TTC1: variants seen among roughly 807,000 people sequenced by gnomAD.
TTC1 encodes the protein tetratricopeptide repeat domain 1, also known as tetratricopeptide repeat protein 1.
In TTC1, 31 loss-of-function variants were observed where a neutral mutation model predicts 37.6. The observed-to-expected ratio is 0.82, with a 90% CI of 0.62 to 1.11. The LOEUF (loss-of-function observed/expected upper bound fraction) is 1.11, where lower values mean the gene tolerates loss of function less well. Ranked by LOEUF, TTC1 falls within the 50% of genes most tolerant of loss-of-function variation. The pLI is 0.00. For synonymous variants in TTC1, 127 were observed against 122.4 expected (o/e 1.04, Z -0.25); for missense variants, 351 against 339.0 (o/e 1.04, Z -0.28).
intron 2 of TTC1, among the ~76,000 whole-genome samples, chr5:160,025,163 G>T (rs1241840409): frequency 6.6e-6 from 1 of 152,192 alleles, no homozygotes; most frequent in East Asian, 1.9e-4. Context: ...AAGTAGCTGG[G>T]ATTACAGGCG....
intron 2 of TTC1, among the ~76,000 whole-genome samples, chr5:160,016,108 T>A (rs893147841): frequency 6.6e-6 from 1 of 152,208 alleles, no homozygotes; most frequent in Non-Finnish European, 1.5e-5. Context: ...CCGGGTGCAG[T>A]GGCTCATGCC....
chr5:160,062,285 G>A (rs1211516117), intron 7 of TTC1, among the ~76,000 whole-genome samples: 1 of 152,202 alleles, frequency 6.6e-6, no homozygotes, highest in African/African-American at 2.4e-5. Context: ...TTCTGCACTA[G>A]AGGGAAACCT....
chr5:160,056,947 A>G (rs1336694050), intron 7 of TTC1, among the ~76,000 whole-genome samples: 1 of 152,144 alleles, frequency 6.6e-6, no homozygotes, highest in African/African-American at 2.4e-5. Flanking sequence ...AAAGCTGCTG[A>G]AGCCATACAT....
Position 160,023,188 on chromosome 5 carries a change from G to A in TTC1, c.331-11952G>A, listed in dbSNP as rs569803104. ...GGAGAATCACTTGAACCCGGTAGGCGGAGGTTGCAATGAACTGAGATTGCA... is the reference window on the plus strand; with the variant it reads ...GGAGAATCACTTGAACCCGGTAGGCAGAGGTTGCAATGAACTGAGATTGCA... On this transcript the variant is annotated intron_variant, in intron 2 of 7. Coordinates refer to ENST00000231238, the MANE Select transcript of TTC1 (RefSeq NM_003314.3). Among the ~76,000 whole-genome samples the A allele has an allele frequency of 2.9e-3, 446 of 151,796 alleles. 5 individuals carry two copies. The highest frequency in any genetic ancestry group is 0.01 in the African/African-American group (425 of 41,388).
intron 7 of TTC1, among the ~76,000 whole-genome samples, chr5:160,052,548 CAAAAAA>C (rs557157232): frequency 0.1 from 6,904 of 68,016 alleles, 231 homozygotes; most frequent in Middle Eastern, 0.2. Flanking sequence ...TCTATTTTAG[CAAAAAA>C]AAAAAAAAAA....
At chr5:160,023,707 G>C (rs2113353719) in intron 2 of TTC1, 1 of 1,577,930 alleles carries the variant, frequency 6.3e-7, no homozygotes, top group Middle Eastern at 2.3e-4. Flanking sequence ...GTCACATGTT[G>C]CCTAATCTTT....
At chr5:160,021,704 TC>T (rs1756712216) in intron 2 of TTC1, among the ~76,000 whole-genome samples, 1 of 152,192 alleles carries the variant, frequency 6.6e-6, no homozygotes, top group Admixed American at 6.5e-5. Context: ...ATATCTGATT[TC>T]AAAGAAGACA....
At chr5:160,032,685 T>C (rs1038508949) in intron 2 of TTC1, among the ~76,000 whole-genome samples, 1 of 150,918 alleles carries the variant, frequency 6.6e-6, no homozygotes, top group African/African-American at 2.4e-5. Context: ...AGAGCCTCCT[T>C]GAGTTCTACC....
chr5:160,045,520 A>ACTCT (rs749296749), intron 5 of TTC1, among the ~76,000 whole-genome samples: 569 of 54,840 alleles, frequency 0.01, 31 homozygotes, highest in African/African-American at 0.032. Flanking sequence ...ACACATACAC[A>ACTCT]CTCTCTCTCT....
intron 6 of TTC1, 41 bp downstream of exon 6, chr5:160,049,703 T>C: frequency 4.1e-6 from 6 of 1,447,736 alleles, no homozygotes; most frequent in Non-Finnish European, 5.5e-6. Context: ...CTTCTATTCT[T>C]TGTGTTGCTA....
intron 5 of TTC1, among the ~76,000 whole-genome samples, chr5:160,048,922 G>T (rs1462835759): frequency 6.7e-6 from 1 of 150,062 alleles, no homozygotes; most frequent in Non-Finnish European, 1.5e-5. Context: ...CTGCACTCCA[G>T]CCTGGGTGAC....
chr5:160,010,505 G>A lies in TTC1; in HGVS notation c.-24G>A. The A allele has an allele frequency of 1.9e-6, 3 of 1,596,406 alleles. No individual in the cohort carries two copies. Among genetic ancestry groups the A allele is most frequent in the South Asian group, 1.1e-5 (1 of 90,366 alleles). On this transcript the variant is annotated 5_prime_UTR_variant, in exon 2 of 8. Transcript: ENST00000231238. The stretch of plus-strand genomic sequence containing the variant: ...TTTGTTTTGTTTTCCCCCAGCTTTA[G>A]CGTCACCTCCCTCACTGGGCAGCAT...
chr5:160,051,891 C>A (rs1217594151), intron 7 of TTC1, among the ~76,000 whole-genome samples: 1 of 152,194 alleles, frequency 6.6e-6, no homozygotes, highest in Non-Finnish European at 1.5e-5. Context: ...TTTTCTAAAT[C>A]TGTTGTTTGA....
rs1344658729 is a variant in TTC1 at position 160,010,442 on chromosome 5, CAG to C, written c.-29-56_-29-55del. ...TGCAGAGGTTTGTTTAGGTTTGAAA[CAG>C]AACTTTTAAAAATACAAGCACCATT... On this transcript the variant is annotated intron_variant, in intron 1 of 7. Coordinates refer to ENST00000231238, the MANE Select transcript of TTC1 (RefSeq NM_003314.3). 13 of 1,212,388 alleles carry C rather than the reference CAG, an allele frequency of 1.1e-5. No homozygotes were observed. The African/African-American group carries it at 2.0e-4, about 18-fold the overall frequency. The allele number at this position is 1,212,388 out of a possible 1,614,324, so 75.1% of individuals were successfully genotyped here.
rs557157232 is a variant in TTC1 at position 160,052,548 on chromosome 5, C to CAAAAA, written c.745+1387_745+1391dup. ...TACTAACAATGATGCTCTATTTTAGCAAAAAAAAAAAAAAAAAAAAAAAAA... is the reference window on the plus strand; with the variant it reads ...TACTAACAATGATGCTCTATTTTAGCAAAAAAAAAAAAAAAAAAAAAAAAAAAAAA... On this transcript the variant is annotated intron_variant, in intron 7 of 7. Coordinates refer to ENST00000231238, the MANE Select transcript of TTC1 (RefSeq NM_003314.3). 9.4e-3 allele frequency among the ~76,000 whole-genome samples: 641 copies of CAAAAA among 68,068 alleles called. 103 individuals are homozygous for CAAAAA. The highest frequency in any genetic ancestry group is 0.024 in the African/African-American group (417 of 17,524). 44.7% of individuals were successfully genotyped at this position (68,068 alleles called of 152,430 possible). A position where few individuals can be genotyped will look rare whatever the true frequency, so the allele number is the denominator to read the frequency against.
intron 5 of TTC1, among the ~76,000 whole-genome samples, chr5:160,048,352 A>G (rs749871534): frequency 7.1e-4 from 108 of 151,970 alleles, no homozygotes; most frequent in Non-Finnish European, 1.3e-3. Context: ...GGGTTTCGCC[A>G]TGTTGGCTAG....
intron 2 of TTC1, among the ~76,000 whole-genome samples, chr5:160,023,052 A>G (rs1756738411): frequency 6.6e-6 from 1 of 152,070 alleles, no homozygotes; most frequent in African/African-American, 2.4e-5. Context: ...GGTCAAGTTT[A>G]AGACCAGCCT....
chr5:160,049,699 T>C (rs1437107404), intron 6 of TTC1, 37 bp downstream of exon 6: 5 of 1,463,608 alleles, frequency 3.4e-6, no homozygotes, highest in Non-Finnish European at 4.5e-6. Context: ...TTTCCTTCTA[T>C]TCTTTGTGTT....
intron 7 of TTC1, among the ~76,000 whole-genome samples, chr5:160,062,581 T>C (rs1037632220): frequency 6.6e-6 from 1 of 152,172 alleles, no homozygotes; most frequent in Non-Finnish European, 1.5e-5. Context: ...AGTTTGTACT[T>C]TAAATTGTTT....
Sources: allele counts gnomAD v4.1 joint callset (sites outside exome capture counted in the v4.1 genomes callset), GRCh38; gene constraint gnomAD v4.1.1; transcripts MANE v1.5; gene names NCBI Gene and HGNC (gene_info 2026-07-23, HGNC 2026-07-21).